The following CTIF variants were observed in gnomAD, a reference collection of about 807,000 sequenced individuals.
CTIF encodes cap binding complex dependent translation initiation factor.
A neutral mutation model predicts 66.0 loss-of-function variants in CTIF; 21 were observed. The observed-to-expected ratio is 0.32, with a 90% CI of 0.23 to 0.46. The LOEUF (loss-of-function observed/expected upper bound fraction) is 0.46. Among genes scored for constraint, CTIF ranks in the 20% least tolerant of loss-of-function variants. The probability of loss-of-function intolerance (pLI) is 1.00; values close to 1 mark genes in which losing one functional copy is unlikely to be tolerated. For missense variants in CTIF, 739 were observed against 812.7 expected (o/e 0.91, Z 1.10); for synonymous variants, 345 against 326.4 (o/e 1.06, Z -0.62).
intron 7 of CTIF, among the ~76,000 whole-genome samples, chr18:48,751,046 A>G (rs1409590913): frequency 6.6e-6 from 1 of 152,156 alleles, no homozygotes; most frequent in Non-Finnish European, 1.5e-5. Flanking sequence ...AGTGAACAAT[A>G]GTTCCTCTCT....
chr18:48,687,351 C>CACACACACACACACACA (rs2091858043), intron 6 of CTIF, among the ~76,000 whole-genome samples: 2 of 146,648 alleles, frequency 1.4e-5, no homozygotes, highest in African/African-American at 2.5e-5. Flanking sequence ...CACACACACA[C>CACACACACACACACACA]CAAGCTTACC....
intron 3 of CTIF, among the ~76,000 whole-genome samples, chr18:48,657,075 G>A (rs551339222): frequency 5.8e-4 from 89 of 152,200 alleles, no homozygotes; most frequent in Non-Finnish European, 1.2e-3. Flanking sequence ...CATCGAAAGG[G>A]GAGAGAGTTA....
chr18:48,682,032 T>C (rs1474835472), intron 6 of CTIF, among the ~76,000 whole-genome samples: 4 of 152,112 alleles, frequency 2.6e-5, no homozygotes, highest in South Asian at 4.1e-4. Flanking sequence ...GTGATCCACC[T>C]GCCTCGGCCT....
At chr18:48,654,153 G>T (rs1038810809) in intron 3 of CTIF, among the ~76,000 whole-genome samples, 2 of 152,164 alleles carry the variant, frequency 1.3e-5, no homozygotes, top group African/African-American at 4.8e-5. Context: ...AAGAGCTTCT[G>T]CACAGCAAAA....
intron 9 of CTIF, among the ~76,000 whole-genome samples, chr18:48,791,289 C>T (rs191304957): frequency 6.6e-6 from 1 of 152,366 alleles, no homozygotes; most frequent in Non-Finnish European, 1.5e-5. Context: ...AGAGGCAGAG[C>T]AGAATGGAAG....
chr18:48,749,361 G>A (rs770583509), intron 7 of CTIF, among the ~76,000 whole-genome samples: 19 of 152,150 alleles, frequency 1.2e-4, no homozygotes, highest in Non-Finnish European at 1.9e-4. Flanking sequence ...TATTTCCCTC[G>A]GGATGATGGT....
intron 1 of CTIF, among the ~76,000 whole-genome samples, chr18:48,584,124 C>T (rs1182726581): frequency 1.3e-5 from 2 of 152,162 alleles, no homozygotes; most frequent in Non-Finnish European, 2.9e-5. Flanking sequence ...GGGCACAAGG[C>T]TTAACAAATA....
At chr18:48,812,008 G>A (rs2068267538) in intron 9 of CTIF, among the ~76,000 whole-genome samples, 1 of 152,150 alleles carries the variant, frequency 6.6e-6, no homozygotes, top group South Asian at 2.1e-4. Flanking sequence ...TGTCCCCCAG[G>A]CTGGGGTGCA....
At chr18:48,815,220 A>C (rs2068337766) in intron 9 of CTIF, among the ~76,000 whole-genome samples, 1 of 152,244 alleles carries the variant, frequency 6.6e-6, no homozygotes, top group African/African-American at 2.4e-5. Flanking sequence ...GTATACCTTA[A>C]ATATACACAA....
chr18:48,562,390 T>C (rs2089183481), intron 1 of CTIF, among the ~76,000 whole-genome samples: 1 of 152,238 alleles, frequency 6.6e-6, no homozygotes, highest in Non-Finnish European at 1.5e-5. Context: ...CTCTAGAGTT[T>C]GCCTTCTTAT....
chr18:48,719,345 A>T (rs986083542), intron 7 of CTIF, among the ~76,000 whole-genome samples: 7 of 151,792 alleles, frequency 4.6e-5, no homozygotes, highest in Admixed American at 2.6e-4. Context: ...ACCTCAGAAC[A>T]CTCTACCAGT....
At chr18:48,738,616 A>G (rs2092526151) in intron 7 of CTIF, among the ~76,000 whole-genome samples, 1 of 150,558 alleles carries the variant, frequency 6.6e-6, no homozygotes, top group African/African-American at 2.4e-5. Context: ...GCTCCATGTC[A>G]CCTTCTCAGG....
At chr18:48,830,160 TTTTG>T (rs2068660194) in intron 10 of CTIF, among the ~76,000 whole-genome samples, 1 of 152,144 alleles carries the variant, frequency 6.6e-6, no homozygotes, top group African/African-American at 2.4e-5. Flanking sequence ...TGTTAATTAT[TTTTG>T]TTTGTTTGTT....
chr18:48,777,304 C>G (rs1366646535), intron 9 of CTIF, among the ~76,000 whole-genome samples: 1 of 152,230 alleles, frequency 6.6e-6, no homozygotes, highest in Admixed American at 6.5e-5. Flanking sequence ...CACCTCCCAG[C>G]ATCTTGGCAT....
chr18:48,615,072 T>A (rs142942101), intron 1 of CTIF, among the ~76,000 whole-genome samples: 2,134 of 152,098 alleles, frequency 0.014, 25 homozygotes, highest in Middle Eastern at 0.031. Context: ...TTTAAAAAAA[T>A]TTTTGGAAAG....
intron 1 of CTIF, among the ~76,000 whole-genome samples, chr18:48,596,947 C>A (rs145764048): frequency 2.0e-5 from 3 of 152,320 alleles, no homozygotes; most frequent in African/African-American, 7.2e-5. Flanking sequence ...ATTCAACTAG[C>A]AGTGACTGCT....
At chr18:48,763,687 T>A (rs112191033) in intron 9 of CTIF, among the ~76,000 whole-genome samples, 1 of 152,192 alleles carries the variant, frequency 6.6e-6, no homozygotes, top group African/African-American at 2.4e-5. Flanking sequence ...CCGTTGGAGC[T>A]TGGCCTCTAT....
At chr18:48,586,189 AG>A (rs1282699920) in intron 1 of CTIF, among the ~76,000 whole-genome samples, 1 of 152,048 alleles carries the variant, frequency 6.6e-6, no homozygotes, top group Admixed American at 6.6e-5. Flanking sequence ...AGCAGAAGAT[AG>A]GTTGCACATG....
At chr18:48,849,925 C>T (rs2069164542) in intron 10 of CTIF, among the ~76,000 whole-genome samples, 1 of 152,208 alleles carries the variant, frequency 6.6e-6, no homozygotes, top group East Asian at 1.9e-4. Context: ...TGGCATTAAG[C>T]GTATTCACAC....
Sources: gnomAD v4.1 joint callset for allele counts (sites outside exome capture counted in the v4.1 genomes callset) on GRCh38, gnomAD v4.1.1 for gene constraint, MANE v1.5 for transcripts, NCBI Gene and HGNC (gene_info 2026-07-23, HGNC 2026-07-21) for gene names.